The following PARD3B variants were observed in gnomAD, a reference collection of about 807,000 sequenced individuals.
The protein encoded by PARD3B is partitioning defective 3 homolog B.
In PARD3B, 103 loss-of-function variants were observed where a neutral mutation model predicts 130.2. That is an observed-to-expected ratio of 0.79 (90% CI 0.67 to 0.93). PARD3B has a LOEUF of 0.93. Ranked by LOEUF, PARD3B falls within the 40% of genes least tolerant of loss-of-function variation. The probability of loss-of-function intolerance (pLI) is 0.00; values close to 1 mark genes in which losing one functional copy is unlikely to be tolerated. For synonymous variants in PARD3B, 583 were observed against 553.2 expected, an observed-to-expected ratio of 1.05 and a Z score of -0.76; for missense variants, 1,609 against 1,499.2, an observed-to-expected ratio of 1.07 and a Z score of -1.21.
chr2:204,674,856 C>T (rs533774779), intron 1 of PARD3B, among the ~76,000 whole-genome samples: 56 of 152,240 alleles, frequency 3.7e-4, no homozygotes, highest in Non-Finnish European at 7.1e-4. Flanking sequence ...AAGATGCCAA[C>T]GTTATAGCAC....
At chr2:205,387,959 C>A (rs1204115552) in intron 18 of PARD3B, among the ~76,000 whole-genome samples, 1 of 152,100 alleles carries the variant, frequency 6.6e-6, no homozygotes, top group Non-Finnish European at 1.5e-5. Flanking sequence ...CGTAGCTGGG[C>A]AGAAGTTTTC....
At chr2:204,634,866 T>C (rs1183201981) in intron 1 of PARD3B, among the ~76,000 whole-genome samples, 1 of 152,186 alleles carries the variant, frequency 6.6e-6, no homozygotes, top group Non-Finnish European at 1.5e-5. Flanking sequence ...TTCCATTCTT[T>C]CTTCATTCAT....
chr2:204,918,722 A>T (rs1172851335), intron 2 of PARD3B, among the ~76,000 whole-genome samples: 6 of 151,972 alleles, frequency 3.9e-5, no homozygotes, highest in African/African-American at 1.5e-4. Flanking sequence ...TAGTTTTAAG[A>T]TACTCGATGT....
rs1491190288 is a variant in PARD3B at position 205,135,587 on chromosome 2, T to TCC, written c.1434+9852_1434+9853dup. On this transcript the variant is annotated intron_variant, in intron 10 of 22. Transcript: ENST00000406610. The stretch of plus-strand genomic sequence containing the variant: ...TTAAGATCACCTTTTTTTTTTTTTT[T>TCC]CCCTAAGGGCTGGTAAAACAGAGAT... Among the ~76,000 whole-genome samples the TCC allele has an allele frequency of 1.2e-3, 180 of 146,436 alleles. 1 individual carries two copies. The highest frequency in any genetic ancestry group is 4.3e-3 in the Admixed American group (64 of 14,924).
Position 205,245,734 on chromosome 2 carries a change from T to G in PARD3B, c.2141-44T>G, listed in dbSNP as rs749139977. The G allele has an allele frequency of 2.0e-6, 3 of 1,471,780 alleles. No homozygotes were observed. In the African/African-American group the frequency reaches 4.2e-5, roughly 20 times the overall value. The allele number at this position is 1,471,780 out of a possible 1,614,324, so 91.2% of individuals were successfully genotyped here. ...TTTACTGTTTAAAAATTGTCTGATT[T>G]ACAAGCCGGTCTGATCCTTGTCTCT... On this transcript the variant is annotated intron_variant, in intron 15 of 22. Coordinates refer to ENST00000406610, the MANE Select transcript of PARD3B (RefSeq NM_001302769.2).
At chr2:204,679,808 T>A (rs1277299676) in intron 1 of PARD3B, among the ~76,000 whole-genome samples, 1 of 152,102 alleles carries the variant, frequency 6.6e-6, no homozygotes, top group African/African-American at 2.4e-5. Context: ...GATCATTTGA[T>A]CTTTATCATT....
chr2:204,886,388 C>G (rs186241670), intron 2 of PARD3B, among the ~76,000 whole-genome samples: 2 of 152,166 alleles, frequency 1.3e-5, no homozygotes, highest in African/African-American at 4.8e-5. Flanking sequence ...GTCACCATTG[C>G]CCTAGCACCA....
intron 22 of PARD3B, among the ~76,000 whole-genome samples, chr2:205,581,317 G>A (rs908059783): frequency 2.1e-5 from 3 of 145,912 alleles, no homozygotes; most frequent in African/African-American, 7.7e-5. Context: ...GATAGATCCT[G>A]TCATTTATAT....
At chr2:205,594,716 T>C (rs1278527338) in intron 22 of PARD3B, among the ~76,000 whole-genome samples, 1 of 152,118 alleles carries the variant, frequency 6.6e-6, no homozygotes, top group African/African-American at 2.4e-5. Flanking sequence ...TGGCTGAAAA[T>C]TTTTTAAACA....
rs1334784343 is a variant in PARD3B, at chr2:204,623,380, A to G, written c.121-62801A>G. The stretch of plus-strand genomic sequence containing the variant: ...AATCAAGATAAGGAACTATTCTACC[A>G]TATTCTACCATCACAAAAACCTCCC... On this transcript the variant is annotated intron_variant, in intron 1 of 22. Coordinates refer to ENST00000406610, the MANE Select transcript of PARD3B (RefSeq NM_001302769.2). This position sits in a 1 kb window ranked among gnomAD's most constrained non-coding sequence, Gnocchi z 4.5. Among the ~76,000 whole-genome samples the G allele has an allele frequency of 6.6e-6, 1 of 152,090 alleles. No individual in the cohort carries two copies. The highest frequency in any genetic ancestry group is 1.5e-5 in the Non-Finnish European group (1 of 67,988).
chr2:204,883,460 T>A (rs1402926231), intron 2 of PARD3B, among the ~76,000 whole-genome samples: 1 of 83,936 alleles, frequency 1.2e-5, no homozygotes, highest in African/African-American at 4.6e-5. Flanking sequence ...TATATATTTT[T>A]TTTTTTGAGA....
chr2:204,932,594 G>A (rs1688111307), intron 2 of PARD3B, among the ~76,000 whole-genome samples: 2 of 152,142 alleles, frequency 1.3e-5, no homozygotes, highest in Non-Finnish European at 2.9e-5. Context: ...TTTAAAGGCA[G>A]AGAAGAATAG....
chr2:204,565,112 G>T (rs1367662853), intron 1 of PARD3B, among the ~76,000 whole-genome samples: 1 of 152,170 alleles, frequency 6.6e-6, no homozygotes, highest in Non-Finnish European at 1.5e-5. Flanking sequence ...GAGGGGCCTA[G>T]CTTTTTTCTG....
At chr2:204,877,142 G>A (rs1252212469) in intron 2 of PARD3B, among the ~76,000 whole-genome samples, 1 of 152,068 alleles carries the variant, frequency 6.6e-6, no homozygotes. Context: ...CTGTCGCAAG[G>A]ACAGAAAACC....
Position 204,859,145 on chromosome 2 carries a change from A to AT in PARD3B, c.223-106001dup, listed in dbSNP as rs895255035. On this transcript the variant is annotated intron_variant, in intron 2 of 22. Coordinates refer to ENST00000406610, the MANE Select transcript of PARD3B (RefSeq NM_001302769.2). ...ATTGAAGACCAATATTTAATAGCCA[A>AT]TTTTTTCTTTTCTTTTTTCTTTTTC... Among the ~76,000 whole-genome samples, 9 of 152,160 alleles carry AT rather than the reference A, an allele frequency of 5.9e-5. No homozygotes were observed. The South Asian group carries it at 1.2e-3, about 21-fold the overall frequency.
chr2:205,154,368 A>T (rs898769213), intron 10 of PARD3B, among the ~76,000 whole-genome samples: 3 of 152,216 alleles, frequency 2.0e-5, no homozygotes, highest in African/African-American at 7.2e-5. Flanking sequence ...CACCAATTAG[A>T]ATGACAATCA....
intron 2 of PARD3B, among the ~76,000 whole-genome samples, chr2:204,812,251 G>A (rs1372165961): frequency 6.6e-6 from 1 of 152,134 alleles, no homozygotes; most frequent in Non-Finnish European, 1.5e-5. Flanking sequence ...ACCACGGTTT[G>A]ATTGTCCATA....
intron 2 of PARD3B, among the ~76,000 whole-genome samples, chr2:204,931,342 C>A (rs1688016152): frequency 6.6e-6 from 1 of 152,000 alleles, no homozygotes; most frequent in African/African-American, 2.4e-5. Context: ...ATTATCCATG[C>A]AAAGCTCTTA....
intron 2 of PARD3B, among the ~76,000 whole-genome samples, chr2:204,935,630 A>G (rs1194962684): frequency 6.6e-6 from 1 of 151,836 alleles, no homozygotes; most frequent in Non-Finnish European, 1.5e-5. Context: ...CACACACCAA[A>G]TTTTATCCTT....
Sources: allele counts gnomAD v4.1 joint callset (sites outside exome capture counted in the v4.1 genomes callset), GRCh38; gene constraint gnomAD v4.1.1; non-coding constraint Gnocchi (gnomAD v3.1); transcripts MANE v1.5; gene names NCBI Gene and HGNC (gene_info 2026-07-23, HGNC 2026-07-21).